Variants in ERBB4 observed in about 807,000 individuals in gnomAD.
The protein encoded by ERBB4 is erb-b2 receptor tyrosine kinase 4.
In ERBB4, 42 loss-of-function variants were observed where a neutral mutation model predicts 158.0. The ratio of observed to expected loss-of-function variants is 0.27; its 90% CI spans 0.21 to 0.34. The LOEUF (loss-of-function observed/expected upper bound fraction) is 0.34. Among genes scored for constraint, ERBB4 ranks in the 10% least tolerant of loss-of-function variants. The probability of loss-of-function intolerance (pLI) is 1.00; values close to 1 mark genes in which losing one functional copy is unlikely to be tolerated. For missense variants in ERBB4, 1,333 were observed against 1,624.1 expected (o/e 0.82, Z 3.08); for synonymous variants, 583 against 558.7 (o/e 1.04, Z -0.61).
chr2:211,773,621 T>TA (rs2075780006), intron 4 of ERBB4, among the ~76,000 whole-genome samples: 5 of 63,020 alleles, frequency 7.9e-5, no homozygotes, highest in African/African-American at 2.9e-4. Context: ...TATATATATA[T>TA]ATATATATAT....
intron 3 of ERBB4, among the ~76,000 whole-genome samples, chr2:211,921,991 C>A (rs2079869134): frequency 6.6e-6 from 1 of 152,008 alleles, no homozygotes; most frequent in South Asian, 2.1e-4. Context: ...AATATCAATG[C>A]CTTGACATTT....
intron 19 of ERBB4, among the ~76,000 whole-genome samples, chr2:211,593,261 G>A (rs1324813821): frequency 6.6e-6 from 1 of 152,152 alleles, no homozygotes; most frequent in Non-Finnish European, 1.5e-5. Context: ...AAGGGTTAAG[G>A]GCTCTGAGTG....
intron 3 of ERBB4, among the ~76,000 whole-genome samples, chr2:211,849,146 A>G (rs2077659751): frequency 6.6e-6 from 1 of 151,988 alleles, no homozygotes; most frequent in Non-Finnish European, 1.5e-5. Flanking sequence ...TATGGAAGAC[A>G]TATTTTCCTG....
Position 211,657,824 on chromosome 2 carries a change from T to C in ERBB4, c.1876A>G (p.Asn626Asp). Residue 626 changes from asparagine (N) to aspartate (D), a missense_variant, in exon 16 of 28, where the codon AAC (asparagine) becomes GAC (aspartate). This residue lies in a region of ERBB4 where 245 missense variants were observed against 247.5 expected (regional missense o/e 0.99). Transcript: ENST00000342788. ...PCHPNCTQGC[N>D]GPTSHDCIYY... ...ATGCAGTCATGACTAGTGGGACCGT[T>C]ACACCTGCAGGCAATTACAGAACAG... 1.9e-6 allele frequency: 3 copies of C among 1,613,772 alleles called. No individual in the cohort carries two copies. Among genetic ancestry groups the C allele is most frequent in the Non-Finnish European group, 2.5e-6 (3 of 1,179,760 alleles).
chr2:212,400,468 T>C (rs2091168253), intron 1 of ERBB4, among the ~76,000 whole-genome samples: 1 of 152,276 alleles, frequency 6.6e-6, no homozygotes, highest in East Asian at 1.9e-4. Flanking sequence ...TTTTATAGAA[T>C]ACAAATAACT....
intron 20 of ERBB4, among the ~76,000 whole-genome samples, chr2:211,533,856 A>G (rs573142220): frequency 1.1e-4 from 17 of 152,258 alleles, no homozygotes; most frequent in South Asian, 8.3e-4. Flanking sequence ...CAAACATGCT[A>G]TAAAAACAAA....
intron 20 of ERBB4, among the ~76,000 whole-genome samples, chr2:211,512,938 A>G (rs2065917920): frequency 6.6e-6 from 1 of 152,126 alleles, no homozygotes; most frequent in South Asian, 2.1e-4. Flanking sequence ...TTAATCATTG[A>G]CTGGAAAACA....
rs965142412 is a variant in ERBB4, at chr2:211,488,759, A to G, written c.2488-57659T>C. ...TCATCTTGCAAATAATAAATTGGCA[A>G]TATTTTTTCCTGTAGAAGTAAACTA... On this transcript the variant is annotated intron_variant, in intron 20 of 27. Transcript: ENST00000342788. Among the ~76,000 whole-genome samples the G allele has an allele frequency of 4.6e-5, 7 of 152,114 alleles. No individual in the cohort carries two copies. The South Asian group carries it at 8.3e-4, about 18-fold the overall frequency.
chr2:212,097,430 G>A (rs973401178), intron 2 of ERBB4, among the ~76,000 whole-genome samples: 2 of 152,166 alleles, frequency 1.3e-5, no homozygotes, highest in African/African-American at 4.8e-5. Context: ...TAAGGGCCTG[G>A]ATCCCTAGCT....
At chr2:212,517,130 TTGA>T (rs1560534037) in intron 1 of ERBB4, among the ~76,000 whole-genome samples, 2 of 152,166 alleles carry the variant, frequency 1.3e-5, no homozygotes. Flanking sequence ...GAAATTTTCA[TTGA>T]GAAAGAATTT....
rs77267859 is a variant in ERBB4 at position 211,523,090 on chromosome 2, T to A, written c.2487+38813A>T. Among the ~76,000 whole-genome samples, 86 of 148,264 alleles carry A rather than the reference T, an allele frequency of 5.8e-4. No individual in the cohort carries two copies. The East Asian group carries it at 0.016, about 27-fold the overall frequency. The stretch of plus-strand genomic sequence containing the variant: ...ATAACACTGGATAGAATGAAAGGGG[T>A]AGAGCAAGATGGTGGAACAGAAGGC... On this transcript the variant is annotated intron_variant, in intron 20 of 27. Coordinates refer to ENST00000342788, the MANE Select transcript of ERBB4 (RefSeq NM_005235.3).
chr2:211,547,712 T>A (rs1421052224), intron 20 of ERBB4, among the ~76,000 whole-genome samples: 1 of 151,916 alleles, frequency 6.6e-6, no homozygotes, highest in Non-Finnish European at 1.5e-5. Context: ...TTTACACACA[T>A]GAAATAAAAT....
At chr2:211,563,554 T>TA (rs1401146249) in intron 19 of ERBB4, among the ~76,000 whole-genome samples, 3 of 152,090 alleles carry the variant, frequency 2.0e-5, no homozygotes, top group Non-Finnish European at 2.9e-5. Context: ...GGCTCTTGGA[T>TA]AAAAAAATAT....
rs542968616 is a variant in ERBB4 at position 212,358,946 on chromosome 2, T to A, written c.82+179503A>T. On this transcript the variant is annotated intron_variant, in intron 1 of 27. Transcript: ENST00000342788. The stretch of plus-strand genomic sequence containing the variant: ...AGTTTAGAAAAGTATATTATCCTAA[T>A]TTACTGCATGAGTAACTGGTATAAA... Among the ~76,000 whole-genome samples, 9 of 151,916 alleles carry A rather than the reference T, an allele frequency of 5.9e-5. No homozygotes were observed. The South Asian group carries it at 1.9e-3, about 31-fold the overall frequency.
chr2:211,523,429 C>T (rs1464993678), intron 20 of ERBB4, among the ~76,000 whole-genome samples: 1 of 151,308 alleles, frequency 6.6e-6, no homozygotes, highest in African/African-American at 2.4e-5. Context: ...GTCTCGCTGA[C>T]TTCAAGAATG....
intron 2 of ERBB4, among the ~76,000 whole-genome samples, chr2:212,073,513 C>A (rs1159446834): frequency 2.0e-5 from 3 of 151,882 alleles, no homozygotes; most frequent in Non-Finnish European, 2.9e-5. Context: ...ACAAAAGCAG[C>A]CCAGGTAGCT....
intron 1 of ERBB4, chr2:212,426,394 C>T (rs546206190): frequency 3.1e-5 from 13 of 422,292 alleles, no homozygotes; most frequent in South Asian, 1.5e-4. Context: ...AGATCTCTTT[C>T]GTCACACATT....
intron 16 of ERBB4, among the ~76,000 whole-genome samples, chr2:211,648,140 A>G (rs2070845251): frequency 6.6e-6 from 1 of 151,876 alleles, no homozygotes; most frequent in African/African-American, 2.4e-5. Flanking sequence ...TATCAAATAA[A>G]CGTCTCCAAT....
intron 16 of ERBB4, among the ~76,000 whole-genome samples, chr2:211,651,605 A>G (rs1425387232): frequency 2.7e-5 from 4 of 149,634 alleles, no homozygotes; most frequent in Admixed American, 1.3e-4. Flanking sequence ...GAGCCTTCAT[A>G]TCTGGGTCTA....
Sources: allele counts gnomAD v4.1 joint callset (sites outside exome capture counted in the v4.1 genomes callset), GRCh38; gene constraint gnomAD v4.1.1; regional missense constraint gnomAD v4.1.1; transcripts MANE v1.5; gene names NCBI Gene and HGNC (gene_info 2026-07-23, HGNC 2026-07-21).